The following PTPRN2 variants were observed in gnomAD, a reference collection of about 807,000 sequenced individuals.
PTPRN2 encodes protein tyrosine phosphatase receptor type N2, also known as receptor-type tyrosine-protein phosphatase N2.
In PTPRN2, 74 loss-of-function variants were observed where a neutral mutation model predicts 118.8. The observed-to-expected ratio is 0.62, with a 90% CI of 0.52 to 0.76. The LOEUF (loss-of-function observed/expected upper bound fraction) is 0.76. PTPRN2 is among the 30% of genes least tolerant of loss of function. PTPRN2 has a pLI of 0.00. For synonymous variants in PTPRN2, 641 were observed against 608.0 expected, an observed-to-expected ratio of 1.05 and a Z score of -0.80; for missense variants, 1,481 against 1,394.4, an observed-to-expected ratio of 1.06 and a Z score of -0.99.
In PTPRN2 at chr7:157,595,283, G is replaced by A. The variant is rs754829300; in HGVS notation, c.2451C>T (p.Ile817=). Residue 817 remains isoleucine, a synonymous_variant, in exon 17 of 23, where the codon ATC becomes ATT. Transcript: ENST00000389418. The part of the protein sequence containing the change: ...MDHDPRNPAY[I]ATQGPLPATV... The stretch of plus-strand genomic sequence containing the variant: ...TGGCGGGCAGCGGTCCCTGGGTGGC[G>A]ATGTACGCGGGGTTCCTCGGGTCGT... 2.5e-6 allele frequency: 4 copies of A among 1,614,246 alleles called. No individual in the cohort carries two copies. The highest frequency in any genetic ancestry group is 2.2e-5 in the East Asian group (1 of 44,882).
rs1220045198 is a variant in PTPRN2 at position 158,438,817 on chromosome 7, CTT to C, written c.163+50916_163+50917del. ...GAGCCCCGGGACCTACCCCACCTGT[CTT>C]TTCATGTAGGGCCTGGGAAAGGAAA... On this transcript the variant is annotated intron_variant, in intron 2 of 22. Coordinates refer to ENST00000389418, the MANE Select transcript of PTPRN2 (RefSeq NM_002847.5). The surrounding 1 kb of genome is among the most constrained non-coding windows in gnomAD (Gnocchi z 4.7). Among the ~76,000 whole-genome samples, 1 of 152,174 alleles carries C rather than the reference CTT, an allele frequency of 6.6e-6. No homozygotes were observed. The highest frequency in any genetic ancestry group is 1.5e-5 in the Non-Finnish European group (1 of 68,034).
chr7:158,353,359 A>C (rs1276640878), intron 2 of PTPRN2, among the ~76,000 whole-genome samples: 1 of 152,232 alleles, frequency 6.6e-6, no homozygotes, highest in Non-Finnish European at 1.5e-5. Flanking sequence ...TCCTAAAACT[A>C]TGAGTGGACA....
chr7:158,163,423 G>C (rs758906134), intron 6 of PTPRN2, among the ~76,000 whole-genome samples: 1 of 147,366 alleles, frequency 6.8e-6, no homozygotes, highest in African/African-American at 2.6e-5. Flanking sequence ...AATATTCTCT[G>C]CGTGTTTCAT....
intron 1 of PTPRN2, among the ~76,000 whole-genome samples, chr7:158,518,468 A>G (rs1823733550): frequency 6.6e-6 from 1 of 152,194 alleles, no homozygotes; most frequent in Admixed American, 6.5e-5. Context: ...AGAAGTGAAG[A>G]AAATGCACAG....
chr7:157,827,594 C>A (rs1276444386), intron 12 of PTPRN2, among the ~76,000 whole-genome samples: 1 of 152,230 alleles, frequency 6.6e-6, no homozygotes, highest in Non-Finnish European at 1.5e-5. Flanking sequence ...GTCCTTCAAA[C>A]CCAGTGGCCC....
At chr7:158,244,425 T>C (rs1451952919) in intron 3 of PTPRN2, among the ~76,000 whole-genome samples, 1 of 152,208 alleles carries the variant, frequency 6.6e-6, no homozygotes, top group Non-Finnish European at 1.5e-5. Flanking sequence ...CTGTAGACAG[T>C]GAGCTGTGTG....
At chr7:157,706,347 C>G (rs969139735) in intron 12 of PTPRN2, among the ~76,000 whole-genome samples, 2 of 152,060 alleles carry the variant, frequency 1.3e-5, no homozygotes, top group African/African-American at 4.8e-5. Flanking sequence ...TGAATCTGAC[C>G]CAGTGCCTTC....
intron 11 of PTPRN2, among the ~76,000 whole-genome samples, chr7:158,071,559 G>C (rs1218314626): frequency 2.8e-4 from 7 of 24,624 alleles, no homozygotes; most frequent in East Asian, 8.2e-3. Flanking sequence ...CCTGGTGGTG[G>C]AGGTGCTCCT....
chr7:157,996,218 G>C (rs1804717726), intron 11 of PTPRN2, among the ~76,000 whole-genome samples: 1 of 152,222 alleles, frequency 6.6e-6, no homozygotes, highest in Non-Finnish European at 1.5e-5. Context: ...ATTTAAGTGG[G>C]AGCCAAATTA....
intron 2 of PTPRN2, among the ~76,000 whole-genome samples, chr7:158,395,638 GGCGAGGC>G (rs1812369240): frequency 1.2e-5 from 1 of 85,554 alleles, no homozygotes. Flanking sequence ...AGGGGCCAGG[GGCGAGGC>G]GCGAGGGGAG....
intron 12 of PTPRN2, among the ~76,000 whole-genome samples, chr7:157,871,971 C>T (rs1470472735): frequency 6.7e-6 from 1 of 150,356 alleles, no homozygotes; most frequent in African/African-American, 2.5e-5. Context: ...CGCTTCCCCA[C>T]ACACACATAC....
At chr7:157,608,109 C>T (rs752964826) in intron 15 of PTPRN2, among the ~76,000 whole-genome samples, 3 of 152,162 alleles carry the variant, frequency 2.0e-5, no homozygotes, top group Non-Finnish European at 2.9e-5. Context: ...GCTCCGTCAC[C>T]CAAGCTCAAG....
chr7:158,001,196 C>A (rs1226752710), intron 11 of PTPRN2, among the ~76,000 whole-genome samples: 1 of 57,500 alleles, frequency 1.7e-5, no homozygotes. Flanking sequence ...GGGCTGGGGT[C>A]GGGCCGCAGG....
At chr7:158,149,829 G>C (rs1039745809) in intron 6 of PTPRN2, among the ~76,000 whole-genome samples, 9 of 150,038 alleles carry the variant, frequency 6.0e-5, no homozygotes, top group South Asian at 2.1e-4. Flanking sequence ...ATAAACCCAA[G>C]TGATGTCTCT....
In PTPRN2 at chr7:157,874,794, T is replaced by C. The variant is rs1453247954; in HGVS notation, c.1788+23879A>G. Among the ~76,000 whole-genome samples the C allele has an allele frequency of 4.1e-5, 5 of 120,534 alleles. No homozygotes were observed. Among genetic ancestry groups the C allele is most frequent in the Admixed American group, 2.5e-4 (3 of 12,022 alleles). 79.1% of individuals were successfully genotyped at this position (120,534 alleles called of 152,430 possible). On this transcript the variant is annotated intron_variant, in intron 12 of 22. Coordinates refer to ENST00000389418, the MANE Select transcript of PTPRN2 (RefSeq NM_002847.5). This position sits in a 1 kb window ranked among gnomAD's most constrained non-coding sequence, Gnocchi z 5.8. ...ACACACACGAACACACTCATACACA[T>C]ATACACACAGAGACACACTCATGGA...
intron 12 of PTPRN2, among the ~76,000 whole-genome samples, chr7:157,717,717 T>C (rs547933406): frequency 6.6e-6 from 1 of 152,254 alleles, no homozygotes; most frequent in East Asian, 1.9e-4. Flanking sequence ...GACCGCTGGC[T>C]GGGGTGGCCG....
intron 2 of PTPRN2, among the ~76,000 whole-genome samples, chr7:158,413,835 C>T (rs1451827247): frequency 1.3e-5 from 2 of 152,164 alleles, no homozygotes; most frequent in Non-Finnish European, 2.9e-5. Flanking sequence ...TCAACCTGGG[C>T]CACCCTTAAA....
intron 11 of PTPRN2, among the ~76,000 whole-genome samples, chr7:158,071,402 G>C (rs1166891565): frequency 9.7e-6 from 1 of 102,946 alleles, no homozygotes; most frequent in African/African-American, 3.9e-5. Flanking sequence ...AGGTGCTCGT[G>C]GTGGAGTTGC....
At chr7:158,409,637 G>A (rs1227197658) in intron 2 of PTPRN2, among the ~76,000 whole-genome samples, 3 of 152,182 alleles carry the variant, frequency 2.0e-5, no homozygotes, top group African/African-American at 7.2e-5. Flanking sequence ...GAACCAAAGG[G>A]TGGCTGTGAG....
Sources: gnomAD v4.1 joint callset for allele counts (sites outside exome capture counted in the v4.1 genomes callset) on GRCh38, gnomAD v4.1.1 for gene constraint, Gnocchi (gnomAD v3.1) non-coding constraint, MANE v1.5 for transcripts, NCBI Gene and HGNC (gene_info 2026-07-23, HGNC 2026-07-21) for gene names.